The following GPAT3 variants were observed in gnomAD, a reference collection of about 807,000 sequenced individuals.
GPAT3 encodes 1-AGP acyltransferase 9.
In GPAT3, 53 loss-of-function variants were observed where a neutral mutation model predicts 58.8. The observed-to-expected ratio is 0.90, with a 90% CI of 0.72 to 1.13. GPAT3 has a LOEUF of 1.13. GPAT3 is among the 50% of genes most tolerant of loss of function. The probability of loss-of-function intolerance (pLI) is 0.00; values close to 1 mark genes in which losing one functional copy is unlikely to be tolerated. For synonymous variants in GPAT3, 197 were observed against 187.4 expected (o/e 1.05, Z -0.42); for missense variants, 511 against 527.6 (o/e 0.97, Z 0.31).
intron 2 of GPAT3, among the ~76,000 whole-genome samples, chr4:83,567,383 G>A (rs1189590034): frequency 6.6e-6 from 1 of 152,158 alleles, no homozygotes; most frequent in Middle Eastern, 3.2e-3. Flanking sequence ...TTTAAGGCAT[G>A]TCTGATGGTG....
chr4:83,577,314 G>GC (rs1180387452), intron 2 of GPAT3, among the ~76,000 whole-genome samples: 1 of 152,174 alleles, frequency 6.6e-6, no homozygotes, highest in Non-Finnish European at 1.5e-5. Context: ...TTGCTGTAAA[G>GC]CATGTTAGTG....
chr4:83,587,877 A>G (rs1003901244), intron 4 of GPAT3, among the ~76,000 whole-genome samples: 4 of 152,232 alleles, frequency 2.6e-5, no homozygotes, highest in Admixed American at 6.5e-5. Context: ...GAACTGAGTT[A>G]CCTAAGAGAG....
At position 83,578,760 on chromosome 4, in the gene GPAT3, C is replaced by T. The variant is rs187586715; in HGVS notation, c.209-2802C>T. ...CACTATCATGGTTCATCCTCTAATA[C>T]TAATTAAACCTCTTTTGGAGATGGT... On this transcript the variant is annotated intron_variant, in intron 2 of 11. Coordinates refer to ENST00000264409, the MANE Select transcript of GPAT3 (RefSeq NM_032717.5). Among the ~76,000 whole-genome samples the T allele has an allele frequency of 1.2e-3, 178 of 152,280 alleles. 2 individuals carry two copies. Among genetic ancestry groups the T allele is most frequent in the African/African-American group, 4.0e-3 (167 of 41,542 alleles).
chr4:83,571,769 T>C (rs957730274), intron 2 of GPAT3, among the ~76,000 whole-genome samples: 57 of 151,422 alleles, frequency 3.8e-4, no homozygotes, highest in African/African-American at 1.3e-3. Flanking sequence ...TATACACATA[T>C]ATAGTTTTGT....
At chr4:83,555,344 T>C (rs1378065907) in intron 2 of GPAT3, among the ~76,000 whole-genome samples, 4 of 152,138 alleles carry the variant, frequency 2.6e-5, no homozygotes, top group African/African-American at 7.2e-5. Context: ...GGTTGGAACT[T>C]TCAGCTCCCC....
chr4:83,562,125 G>A (rs1313504266), intron 2 of GPAT3, among the ~76,000 whole-genome samples: 3 of 141,778 alleles, frequency 2.1e-5, no homozygotes, highest in Non-Finnish European at 4.5e-5. Flanking sequence ...AGGAGGTTAG[G>A]AGAGCCTAGG....
intron 2 of GPAT3, among the ~76,000 whole-genome samples, chr4:83,577,441 A>G (rs62303968): frequency 0.18 from 27,804 of 152,134 alleles, 3,204 homozygotes; most frequent in East Asian, 0.31. Context: ...TCTGTGTCCT[A>G]AGGAAACATA....
At chr4:83,574,652 T>C (rs1578182374) in intron 2 of GPAT3, among the ~76,000 whole-genome samples, 1 of 84,252 alleles carries the variant, frequency 1.2e-5, no homozygotes, top group Non-Finnish European at 2.4e-5. Flanking sequence ...TTTTTTTTTT[T>C]TTTTTTTTTT....
At chr4:83,562,221 ATATAATATATATATAAT>A (rs1399187915) in intron 2 of GPAT3, among the ~76,000 whole-genome samples, 17 of 73,912 alleles carry the variant, frequency 2.3e-4, no homozygotes, top group African/African-American at 9.5e-4. Flanking sequence ...TTATATATAT[ATATAATATATATATAAT>A]ATATATATAT....
At chr4:83,545,493 A>G (rs1233093032) in intron 2 of GPAT3, among the ~76,000 whole-genome samples, 1 of 152,064 alleles carries the variant, frequency 6.6e-6, no homozygotes, top group Non-Finnish European at 1.5e-5. Flanking sequence ...GAAGGAATTT[A>G]TCTTCTGGAA....
chr4:83,543,855 AGT>A, intron 1 of GPAT3, among the ~76,000 whole-genome samples: 1 of 152,078 alleles, frequency 6.6e-6, no homozygotes, highest in South Asian at 2.1e-4. Flanking sequence ...TGGCCAGGCT[AGT>A]CTTGAACTCC....
chr4:83,566,408 A>AAATT (rs200693989), intron 2 of GPAT3, among the ~76,000 whole-genome samples: 2 of 138,034 alleles, frequency 1.4e-5, no homozygotes, highest in Admixed American at 7.4e-5. Flanking sequence ...TTTTTTTAAA[A>AAATT]AATTAATTAA....
At chr4:83,552,750 T>C (rs368776710) in intron 2 of GPAT3, among the ~76,000 whole-genome samples, 55 of 152,350 alleles carry the variant, frequency 3.6e-4, no homozygotes, top group African/African-American at 1.3e-3. Flanking sequence ...ACTGAATGTC[T>C]ATGTCCCCCC....
chr4:83,543,136 C>T (rs373157071), intron 1 of GPAT3, among the ~76,000 whole-genome samples: 1 of 151,906 alleles, frequency 6.6e-6, no homozygotes, highest in Non-Finnish European at 1.5e-5. Context: ...CCGGTTTTTA[C>T]AAAAAATACA....
chr4:83,536,040 T>C (rs1240696656), upstream of GPAT3: 17 of 985,146 alleles, frequency 1.7e-5, no homozygotes, highest in East Asian at 3.4e-4. Context: ...AGCTCCCCCG[T>C]TGGGTGACGG....
chr4:83,574,996 C>G (rs988954166), intron 2 of GPAT3, among the ~76,000 whole-genome samples: 5 of 151,062 alleles, frequency 3.3e-5, no homozygotes, highest in Non-Finnish European at 7.4e-5. Flanking sequence ...CCTGCCTCAG[C>G]CTCCCAAGTA....
At chr4:83,594,278 G>T (rs765706205) in intron 6 of GPAT3, among the ~76,000 whole-genome samples, 1 of 151,882 alleles carries the variant, frequency 6.6e-6, no homozygotes, top group African/African-American at 2.4e-5. Flanking sequence ...CTAATATTTT[G>T]CCATAACAAG....
In GPAT3 at chr4:83,568,800, C is replaced by T. The variant is rs142617146; in HGVS notation, c.209-12762C>T. Among the ~76,000 whole-genome samples, 248 of 152,208 alleles carry T rather than the reference C, an allele frequency of 1.6e-3. 1 individual carries two copies. Among genetic ancestry groups the T allele is most frequent in the South Asian group, 3.7e-3 (18 of 4,808 alleles). On this transcript the variant is annotated intron_variant, in intron 2 of 11. Transcript: ENST00000264409. ...GATTACAGGTATGAGCCACCACGCC[C>T]GGCCTGTATTCACATTTTTCATTTG...
intron 2 of GPAT3, among the ~76,000 whole-genome samples, chr4:83,581,021 G>A (rs891159265): frequency 2.0e-5 from 3 of 150,562 alleles, no homozygotes; most frequent in African/African-American, 4.9e-5. Context: ...GCATGAACCC[G>A]GGAGGCGGAG....
Sources: allele counts gnomAD v4.1 joint callset (sites outside exome capture counted in the v4.1 genomes callset), GRCh38; gene constraint gnomAD v4.1.1; transcripts MANE v1.5; gene names NCBI Gene and HGNC (gene_info 2026-07-23, HGNC 2026-07-21).